Variants in FAM107A observed in about 807,000 individuals in gnomAD.
FAM107A encodes the protein family with sequence similarity 107 member A.
FAM107A carries 19 observed loss-of-function variants against 13.7 expected under a neutral mutation model. The observed-to-expected ratio is 1.38, with a 90% CI of 0.97 to 2.03. The LOEUF (loss-of-function observed/expected upper bound fraction) is 2.03. Among genes scored for constraint, FAM107A ranks in the 30% most tolerant of loss-of-function variants. FAM107A has a pLI of 0.00. For missense variants in FAM107A, 203 were observed against 184.4 expected (o/e 1.10, Z -0.58); for synonymous variants, 82 against 74.5 (o/e 1.10, Z -0.52).
chr3:58,585,553 G>A (rs2065597133), intron 1 of FAM107A, among the ~76,000 whole-genome samples: 1 of 152,088 alleles, frequency 6.6e-6, no homozygotes. Flanking sequence ...GACAGGCACC[G>A]CCGCTGCAGA....
At chr3:58,586,973 G>A (rs35601505) in exon 1 of FAM107A, 1 of 1,499,008 alleles carries the variant, frequency 6.7e-7, no homozygotes, top group Non-Finnish European at 8.8e-7. Flanking sequence ...AGCACTGCTG[G>A]CCCCGCGAGC....
At chr3:58,626,912 C>T in intron 1 of FAM107A, 2 of 1,513,030 alleles carry the variant, frequency 1.3e-6, no homozygotes, top group Non-Finnish European at 1.8e-6. Flanking sequence ...CTCCCACTTG[C>T]TAGGTCCAGT....
upstream of FAM107A, chr3:58,577,793 T>G: frequency 2.3e-6 from 2 of 876,642 alleles, no homozygotes; most frequent in Non-Finnish European, 2.7e-6. The surrounding 1 kb of genome is among the most constrained non-coding windows in gnomAD (Gnocchi z 4.9). Flanking sequence ...AGAAAATGGC[T>G]CTGGGGGGAA....
upstream of FAM107A, among the ~76,000 whole-genome samples, chr3:58,587,829 T>C (rs186372973): frequency 9.2e-5 from 14 of 152,286 alleles, no homozygotes; most frequent in East Asian, 2.5e-3. Context: ...CTAAGTTTCT[T>C]CTAAAACAAA....
rs763175870 is a variant in FAM107A at position 58,566,689 on chromosome 3, T to C, written c.334A>G (p.Lys112Glu). The change falls in exon 4 of 4, where the codon AAA becomes GAA. Residue 112 changes from lysine to glutamate, a missense_variant. Coordinates refer to ENST00000360997, the MANE Select transcript of FAM107A (RefSeq NM_001076778.3). ...TGATCCTCTTCCTTCTCTGGTGGTT[T>C]TTCCAGCTGAAGGAGGGAGAAGCAG... Reference protein sequence around the residue: ...RRQQRLNQLEKPPEKEEDHAP... With the variant: ...RRQQRLNQLEEPPEKEEDHAP... The C allele has an allele frequency of 6.2e-6, 10 of 1,612,968 alleles. No individual in the cohort carries two copies. Among genetic ancestry groups the C allele is most frequent in the Middle Eastern group, 1.6e-4 (1 of 6,068 alleles).
chr3:58,571,402 C>T (rs1385328222), intron 1 of FAM107A, among the ~76,000 whole-genome samples: 1 of 152,192 alleles, frequency 6.6e-6, no homozygotes, highest in African/African-American at 2.4e-5. Context: ...TTCTCAAATT[C>T]ATATTCTCAG....
At chr3:58,605,060 C>A (rs2065781622) in intron 1 of FAM107A, among the ~76,000 whole-genome samples, 1 of 152,226 alleles carries the variant, frequency 6.6e-6, no homozygotes, top group African/African-American at 2.4e-5. Context: ...TAGGACTCAC[C>A]TCCAAACTTT....
chr3:58,571,292 A>G (rs1001911486), intron 1 of FAM107A, among the ~76,000 whole-genome samples: 9 of 152,184 alleles, frequency 5.9e-5, no homozygotes, highest in Non-Finnish European at 7.3e-5. Context: ...GTAAGACCAC[A>G]TACGTAAAGG....
At position 58,569,987 on chromosome 3, in the gene FAM107A, T is replaced by G; in HGVS notation, c.-5-122A>C. 5 of 914,294 alleles carry G rather than the reference T, an allele frequency of 5.5e-6. No homozygotes were observed. Among genetic ancestry groups the G allele is most frequent in the Non-Finnish European group, 8.1e-6 (5 of 617,794 alleles). The allele number at this position is 914,294 out of a possible 1,614,324, so 56.6% of individuals were successfully genotyped here. On this transcript the variant is annotated intron_variant, in intron 1 of 3. Coordinates refer to ENST00000360997, the MANE Select transcript of FAM107A (RefSeq NM_001076778.3). This position sits in a 1 kb window ranked among gnomAD's most constrained non-coding sequence, Gnocchi z 5.7. ...GACCTTGGCCACCTGCTACTGCGCA[T>G]ACCTGGGCAAGCTACCTGACTTTCT... is the stretch of plus-strand genomic sequence containing the variant.
chr3:58,602,366 G>T (rs1304406687), intron 1 of FAM107A, among the ~76,000 whole-genome samples: 1 of 152,210 alleles, frequency 6.6e-6, no homozygotes, highest in East Asian at 1.9e-4. Flanking sequence ...GCTCCTGGAG[G>T]GAGTGTTGAT....
chr3:58,568,445 A>G (rs1488013898), intron 2 of FAM107A, among the ~76,000 whole-genome samples: 2 of 152,120 alleles, frequency 1.3e-5, no homozygotes. Context: ...AAACAAAAAA[A>G]AAGAAAAAAA....
intron 1 of FAM107A, among the ~76,000 whole-genome samples, chr3:58,599,937 A>T (rs566293778): frequency 6.6e-6 from 1 of 151,640 alleles, no homozygotes; most frequent in Admixed American, 6.6e-5. Flanking sequence ...CAGCCTCCCA[A>T]AGTTCTGGGA....
intron 1 of FAM107A, among the ~76,000 whole-genome samples, chr3:58,593,905 A>C (rs541012859): frequency 6.6e-6 from 1 of 152,070 alleles, no homozygotes; most frequent in African/African-American, 2.4e-5. Context: ...GACATTTCGC[A>C]CCAACAAGCT....
In FAM107A at chr3:58,620,161, T is replaced by A. The variant is rs1405410207; in HGVS notation, c.-70+7255A>T. On this transcript the variant is annotated intron_variant, in intron 1 of 3. Coordinates refer to the FAM107A transcript ENST00000465970. ...CAAACGGCCTCCCTTCCCTCATGGATAAATCACAGAACTATACATGAAATC... is the reference window on the plus strand; with the variant it reads ...CAAACGGCCTCCCTTCCCTCATGGAAAAATCACAGAACTATACATGAAATC... Among the ~76,000 whole-genome samples the A allele has an allele frequency of 2.0e-5, 3 of 152,188 alleles. No homozygotes were observed. The East Asian group carries it at 5.8e-4, about 29-fold the overall frequency.
At chr3:58,600,597 G>A (rs2065745340) in intron 1 of FAM107A, among the ~76,000 whole-genome samples, 1 of 152,246 alleles carries the variant, frequency 6.6e-6, no homozygotes, top group South Asian at 2.1e-4. Flanking sequence ...TCGATAGAAT[G>A]TTCTGAGAGG....
chr3:58,616,526 AACACACACAC>A (rs59230021), intron 1 of FAM107A, among the ~76,000 whole-genome samples: 16,259 of 137,778 alleles, frequency 0.12, 1,023 homozygotes, highest in Non-Finnish European at 0.15. Context: ...ATAAGAGGAG[AACACACACAC>A]ACACACACAC....
chr3:58,597,296 T>C (rs1276955669), intron 1 of FAM107A, among the ~76,000 whole-genome samples: 1 of 152,230 alleles, frequency 6.6e-6, no homozygotes, highest in African/African-American at 2.4e-5. Context: ...CACTTTGTAT[T>C]GTACTTTTGA....
intron 1 of FAM107A, among the ~76,000 whole-genome samples, chr3:58,584,053 A>C (rs953286779): frequency 6.6e-6 from 1 of 152,164 alleles, no homozygotes; most frequent in African/African-American, 2.4e-5. Flanking sequence ...TCACCCCTTC[A>C]GCACATGGCC....
chr3:58,606,551 G>A (rs2065796602), intron 1 of FAM107A, among the ~76,000 whole-genome samples: 1 of 152,238 alleles, frequency 6.6e-6, no homozygotes. Context: ...GAATGCTATA[G>A]TCTGTAGCTC....
Sources: gnomAD v4.1 joint callset for allele counts (sites outside exome capture counted in the v4.1 genomes callset) on GRCh38, gnomAD v4.1.1 for gene constraint, Gnocchi (gnomAD v3.1) non-coding constraint, MANE v1.5 for transcripts, NCBI Gene and HGNC (gene_info 2026-07-23, HGNC 2026-07-21) for gene names.